The following CDA variants were observed in gnomAD, a reference collection of about 807,000 sequenced individuals.
CDA encodes cytidine aminohydrolase.
CDA carries 7 observed loss-of-function variants against 15.0 expected under a neutral mutation model. The ratio of observed to expected loss-of-function variants is 0.47; its 90% CI spans 0.26 to 0.87. The LOEUF (loss-of-function observed/expected upper bound fraction) is 0.87, where lower values mean the gene tolerates loss of function less well. CDA is among the 40% of genes least tolerant of loss of function. CDA has a pLI of 0.15. For synonymous variants in CDA, 58 were observed against 73.0 expected (o/e 0.79, Z 1.05); for missense variants, 159 against 182.7 (o/e 0.87, Z 0.75).
In CDA at chr1:20,604,907, T is replaced by C. The variant is rs72553952; in HGVS notation, c.155-21T>C. ...GAAGTGTCTCTGCCAGACATACCAC[T>C]GGACTCTGCTCTCTTCTCAGGGTGC... On this transcript the variant is annotated intron_variant, in intron 1 of 3. Coordinates refer to ENST00000375071, the MANE Select transcript of CDA (RefSeq NM_001785.3). 1.1e-3 allele frequency: 1,689 copies of C among 1,516,922 alleles called. 17 individuals are homozygous for C. In the African/African-American group the frequency reaches 0.019, roughly 17 times the overall value. 94.0% of individuals were successfully genotyped at this position (1,516,922 alleles called of 1,614,324 possible).
intron 2 of CDA, among the ~76,000 whole-genome samples, chr1:20,607,747 C>T (rs1211965075): frequency 2.0e-5 from 3 of 152,172 alleles, no homozygotes; most frequent in Non-Finnish European, 2.9e-5. Context: ...TCCCTGAGCC[C>T]AAGATGCACT....
At chr1:20,603,707 C>T (rs920544393) in intron 1 of CDA, among the ~76,000 whole-genome samples, 1 of 152,212 alleles carries the variant, frequency 6.6e-6, no homozygotes, top group African/African-American at 2.4e-5. Flanking sequence ...ACTCCTATCT[C>T]CGCCTCAGGG....
intron 1 of CDA, among the ~76,000 whole-genome samples, chr1:20,591,155 C>T (rs1024449918): frequency 5.3e-5 from 8 of 151,986 alleles, no homozygotes; most frequent in Non-Finnish European, 8.8e-5. Context: ...CTGGCTAACA[C>T]GGTGAAACTC....
intron 2 of CDA, among the ~76,000 whole-genome samples, chr1:20,611,280 T>C (rs1196610047): frequency 1.3e-5 from 2 of 152,204 alleles, no homozygotes; most frequent in Non-Finnish European, 2.9e-5. Flanking sequence ...CTTCCAGAGA[T>C]ATCACAAAGC....
chr1:20,591,692 G>T (rs2052549750), intron 1 of CDA, among the ~76,000 whole-genome samples: 1 of 152,176 alleles, frequency 6.6e-6, no homozygotes, highest in Non-Finnish European at 1.5e-5. Flanking sequence ...CAGAGAAAGG[G>T]TTGTGTGATG....
At chr1:20,595,876 G>A (rs377229019) in intron 1 of CDA, among the ~76,000 whole-genome samples, 7 of 151,318 alleles carry the variant, frequency 4.6e-5, no homozygotes, top group African/African-American at 1.5e-4. Flanking sequence ...CAGGCACGGT[G>A]GCTCATACCT....
chr1:20,615,421 CCAG>C (rs2052792306), intron 3 of CDA, among the ~76,000 whole-genome samples: 1 of 133,018 alleles, frequency 7.5e-6, no homozygotes, highest in African/African-American at 2.9e-5. Flanking sequence ...TCGCTTGGGT[CCAG>C]GAGTTCGAGA....
chr1:20,606,788 G>A (rs1364210429), intron 2 of CDA, among the ~76,000 whole-genome samples: 1 of 152,156 alleles, frequency 6.6e-6, no homozygotes, highest in Non-Finnish European at 1.5e-5. Context: ...CTTTCCACGG[G>A]AGCATGTTGA....
At chr1:20,598,331 G>A (rs912901045) in intron 1 of CDA, among the ~76,000 whole-genome samples, 46 of 152,292 alleles carry the variant, frequency 3.0e-4, no homozygotes, top group Admixed American at 2.9e-3. Flanking sequence ...TCCAGAGGAT[G>A]CAATGTTCAA....
intron 1 of CDA, among the ~76,000 whole-genome samples, chr1:20,593,519 G>A (rs2052566352): frequency 6.6e-6 from 1 of 152,114 alleles, no homozygotes; most frequent in South Asian, 2.1e-4. Flanking sequence ...CTGCAGGTGG[G>A]CTTTTTCTGG....
rs375793193 is a variant in CDA, at chr1:20,589,857, C to G, written c.154+574C>G. On this transcript the variant is annotated intron_variant, in intron 1 of 3. Coordinates refer to ENST00000375071, the MANE Select transcript of CDA (RefSeq NM_001785.3). ...TGGTGACGTGTTTGTCGGGGGTGGT[C>G]GGTGGAGAATCTTGGAGGAGAAAAG... Among the ~76,000 whole-genome samples, 91 of 152,168 alleles carry G rather than the reference C, an allele frequency of 6.0e-4. No individual in the cohort carries two copies. In the South Asian group the frequency reaches 0.018, roughly 30 times the overall value.
intron 1 of CDA, among the ~76,000 whole-genome samples, chr1:20,600,363 G>C (rs2052631479): frequency 6.6e-6 from 1 of 152,184 alleles, no homozygotes; most frequent in African/African-American, 2.4e-5. Context: ...GGCTGGCAGG[G>C]ACTGTAATCT....
intron 1 of CDA, among the ~76,000 whole-genome samples, chr1:20,596,103 C>T (rs1345607074): frequency 1.3e-5 from 2 of 151,990 alleles, no homozygotes; most frequent in African/African-American, 2.4e-5. Context: ...GAGCTGAGAT[C>T]GCACCATTGC....
chr1:20,615,500 C>T (rs1570388040), intron 3 of CDA, among the ~76,000 whole-genome samples: 1 of 136,298 alleles, frequency 7.3e-6, no homozygotes, highest in Non-Finnish European at 1.6e-5. Context: ...TAAAACAAAA[C>T]AAAAAAATGA....
At chr1:20,602,036 A>T (rs2052648766) in intron 1 of CDA, among the ~76,000 whole-genome samples, 1 of 151,520 alleles carries the variant, frequency 6.6e-6, no homozygotes, top group African/African-American at 2.4e-5. Flanking sequence ...TGAGAAGATC[A>T]GTGGAGCCCA....
At position 20,614,924 on chromosome 1, in the gene CDA, G is replaced by A. The variant is rs542872187; in HGVS notation, c.324+1025G>A. Among the ~76,000 whole-genome samples, 291 of 152,018 alleles carry A rather than the reference G, an allele frequency of 1.9e-3. 3 individuals are homozygous for A. The highest frequency in any genetic ancestry group is 6.6e-3 in the African/African-American group (275 of 41,460). ...TCACCCAGGCTGGAGTGCAGTGGTAGAGTCTCAGCTCACTGCAACCTCCGC... is the reference window on the plus strand; with the variant it reads ...TCACCCAGGCTGGAGTGCAGTGGTAAAGTCTCAGCTCACTGCAACCTCCGC... On this transcript the variant is annotated intron_variant, in intron 3 of 3. Transcript: ENST00000375071.
chr1:20,617,300 C>T lies in CDA; in HGVS notation c.325-1152C>T, dbSNP rs1286034173. Among the ~76,000 whole-genome samples the T allele has an allele frequency of 2.0e-5, 3 of 152,190 alleles. No individual in the cohort carries two copies. The East Asian group carries it at 5.8e-4, about 29-fold the overall frequency. On this transcript the variant is annotated intron_variant, in intron 3 of 3. Transcript: ENST00000375071. ...ACTTTACTCTGCTAAGCCTCAGTTT[C>T]CTCATCAGTAAAATGGGCATCATGA...
intron 1 of CDA, among the ~76,000 whole-genome samples, chr1:20,596,756 CTTTTT>C (rs61288769): frequency 5.9e-5 from 6 of 101,108 alleles, no homozygotes; most frequent in African/African-American, 3.7e-5. Context: ...CTGTTGATGT[CTTTTT>C]TTTTTTTTTT....
chr1:20,596,076 G>A (rs2052589055), intron 1 of CDA, among the ~76,000 whole-genome samples: 2 of 152,146 alleles, frequency 1.3e-5, no homozygotes, highest in South Asian at 4.1e-4. Context: ...TTGAACCTGG[G>A]AGGCGGAGGT....
Sources: gnomAD v4.1 joint callset for allele counts (sites outside exome capture counted in the v4.1 genomes callset) on GRCh38, gnomAD v4.1.1 for gene constraint, MANE v1.5 for transcripts, NCBI Gene and HGNC (gene_info 2026-07-23, HGNC 2026-07-21) for gene names.